Variants in PLB1 observed in about 807,000 individuals in gnomAD.
PLB1 encodes phospholipase B1, membrane-associated.
A neutral mutation model predicts 227.4 loss-of-function variants in PLB1; 242 were observed. That is an observed-to-expected ratio of 1.06 (90% confidence interval 0.96 to 1.18). PLB1 has a LOEUF of 1.18. Among genes scored for constraint, PLB1 ranks in the 50% most tolerant of loss-of-function variants. The pLI is 0.00. For synonymous variants in PLB1, 757 were observed against 682.2 expected, an observed-to-expected ratio of 1.11 and a Z score of -1.71; for missense variants, 1,858 against 1,816.3, an observed-to-expected ratio of 1.02 and a Z score of -0.42.
chr2:28,567,028 G>A (rs1677060434), intron 20 of PLB1, among the ~76,000 whole-genome samples, 189 bp downstream of exon 20: 1 of 151,840 alleles, frequency 6.6e-6, no homozygotes, highest in Non-Finnish European at 1.5e-5. Flanking sequence ...CCTTAGAGTT[G>A]GGGGTGGAAC....
intron 1 of PLB1, among the ~76,000 whole-genome samples, chr2:28,512,073 C>G (rs1203417278): frequency 2.1e-5 from 3 of 145,758 alleles, no homozygotes; most frequent in Admixed American, 1.4e-4. Context: ...AAATCATTTC[C>G]TGCCCTCCCC....
At chr2:28,531,554 G>T (rs936096697) in intron 8 of PLB1, among the ~76,000 whole-genome samples, 1 of 152,032 alleles carries the variant, frequency 6.6e-6, no homozygotes, top group Admixed American at 6.6e-5. Context: ...CAGGTGATCC[G>T]CCCAACTCGG....
rs1428398856 is a variant in PLB1 at position 28,556,031 on chromosome 2, A to G, written c.1147+3040A>G. 2.6e-5 allele frequency among the ~76,000 whole-genome samples: 4 copies of G among 151,604 alleles called. No homozygotes were observed. In the East Asian group the frequency reaches 7.7e-4, roughly 29 times the overall value. ...ATAGGCCCATGCACCATGTCCAGCTAATTTTATTTTTTGTACAGACAAGGT... is the reference window on the plus strand; with the variant it reads ...ATAGGCCCATGCACCATGTCCAGCTGATTTTATTTTTTGTACAGACAAGGT... On this transcript the variant is annotated intron_variant, in intron 17 of 57. Transcript: ENST00000327757.
intron 56 of PLB1, among the ~76,000 whole-genome samples, chr2:28,634,448 T>C (rs1304220573): frequency 6.6e-6 from 1 of 152,160 alleles, no homozygotes; most frequent in Non-Finnish European, 1.5e-5. Flanking sequence ...ACAGATGCCC[T>C]TGGCCCTTCC....
At chr2:28,586,346 A>G (rs930624931) in intron 26 of PLB1, among the ~76,000 whole-genome samples, 1 of 152,160 alleles carries the variant, frequency 6.6e-6, no homozygotes, top group African/African-American at 2.4e-5. Context: ...ATCTTGGGAG[A>G]GCACAAGGAG....
At chr2:28,634,181 G>A (rs568937306) in intron 56 of PLB1, among the ~76,000 whole-genome samples, 1 of 152,214 alleles carries the variant, frequency 6.6e-6, no homozygotes, top group African/African-American at 2.4e-5. Context: ...TGGACATCAC[G>A]TACCTGCCCA....
At chr2:28,585,640 C>A in intron 25 of PLB1, 121 bp from the exon 26 acceptor site, 1 of 838,888 alleles carries the variant, frequency 1.2e-6, no homozygotes, top group Non-Finnish European at 2.0e-6. Flanking sequence ...TCCTCATTAG[C>A]ACAGATCTCT....
At chr2:28,530,690 G>T (rs1481128168) in intron 8 of PLB1, among the ~76,000 whole-genome samples, 3 of 152,360 alleles carry the variant, frequency 2.0e-5, no homozygotes, top group Admixed American at 6.5e-5. Context: ...GGCAAGCCTT[G>T]CTAGCAAACT....
intron 1 of PLB1, among the ~76,000 whole-genome samples, chr2:28,501,546 A>G (rs1262115311): frequency 6.6e-6 from 1 of 152,172 alleles, no homozygotes; most frequent in East Asian, 1.9e-4. Flanking sequence ...TAAAACATTA[A>G]CATTGTTCAA....
At chr2:28,597,530 C>G (rs1203332932) in intron 33 of PLB1, among the ~76,000 whole-genome samples, 3 of 152,168 alleles carry the variant, frequency 2.0e-5, no homozygotes, top group African/African-American at 7.2e-5. Flanking sequence ...TCTGAACCTT[C>G]TATTGGAATT....
Position 28,563,027 on chromosome 2 carries a change from G to A in PLB1, c.1148-14G>A, listed in dbSNP as rs752867218. ...GAAGCCCCATTTTCCACTCACTCCT[G>A]CTTATATTCTTAGTTCATAGGCTGA... On this transcript the variant is annotated splice_polypyrimidine_tract_variant and intron_variant, in intron 17 of 57. Coordinates refer to ENST00000327757, the MANE Select transcript of PLB1 (RefSeq NM_153021.5). The A allele has an allele frequency of 1.6e-5, 26 of 1,611,678 alleles. 1 individual carries two copies. The highest frequency in any genetic ancestry group is 2.1e-5 in the Non-Finnish European group (25 of 1,177,792).
chr2:28,620,640 C>T lies in PLB1; in HGVS notation c.3424C>T (p.Pro1142Ser), dbSNP rs1167409402. Residue 1142 changes from proline to serine, a missense_variant, in exon 48 of 58, where the codon CCC (proline) becomes TCC (serine). Physicochemically the swap from Pro to Ser is moderately conservative, Grantham distance 74. Transcript: ENST00000327757. ...GAACTTGGAGACTCACACCACACTG[C>T]CCAGTAAGTAGCAGCCCAGAGAGGC... Reference protein sequence around the residue: ...DGNLETHTTLPNILKKFNPYL... With the variant: ...DGNLETHTTLSNILKKFNPYL... The T allele has an allele frequency of 6.2e-7, 1 of 1,613,922 alleles. No individual in the cohort carries two copies. Among genetic ancestry groups the T allele is most frequent in the Non-Finnish European group, 8.5e-7 (1 of 1,179,940 alleles).
At chr2:28,551,447 C>T (rs1409603600) in intron 16 of PLB1, among the ~76,000 whole-genome samples, 1 of 152,202 alleles carries the variant, frequency 6.6e-6, no homozygotes, top group Non-Finnish European at 1.5e-5. Context: ...TGACATTCTT[C>T]CCTCCCTATT....
chr2:28,604,859 C>G, intron 41 of PLB1, 100 bp downstream of exon 41: 1 of 1,074,032 alleles, frequency 9.3e-7, no homozygotes, highest in Non-Finnish European at 1.4e-6. Flanking sequence ...ATGGGAAAGA[C>G]ACAGCTCTCC....
At chr2:28,629,061 T>C (rs765520942) in intron 52 of PLB1, 33 bp from the exon 53 acceptor site, 5 of 1,589,784 alleles carry the variant, frequency 3.1e-6, no homozygotes, top group East Asian at 4.5e-5. Context: ...CAGTAGCCAG[T>C]GCCCTAACGA....
At chr2:28,639,463 A>G (rs1051500346) in intron 56 of PLB1, among the ~76,000 whole-genome samples, 18 of 152,242 alleles carry the variant, frequency 1.2e-4, no homozygotes, top group African/African-American at 2.9e-4. Context: ...GAGATTAGGA[A>G]GTGCTGCCAG....
At chr2:28,525,396 G>A in intron 5 of PLB1, 89 bp downstream of exon 5, 1 of 1,422,834 alleles carries the variant, frequency 7.0e-7, no homozygotes, top group Non-Finnish European at 9.7e-7. Flanking sequence ...AAGATTGGAG[G>A]CCAGGGAGGC....
chr2:28,589,892 A>G (rs1367415825), intron 28 of PLB1, 113 bp from the exon 29 acceptor site: 3 of 1,363,616 alleles, frequency 2.2e-6, no homozygotes, highest in Non-Finnish European at 3.1e-6. Context: ...GCAATGACAA[A>G]CAAACCCCAT....
chr2:28,607,053 G>A (rs1273039856), intron 43 of PLB1, among the ~76,000 whole-genome samples: 1 of 152,188 alleles, frequency 6.6e-6, no homozygotes, highest in Non-Finnish European at 1.5e-5. Flanking sequence ...GCAGAGCCCA[G>A]AGCTGTATGG....
Sources: gnomAD v4.1 joint callset for allele counts (sites outside exome capture counted in the v4.1 genomes callset) on GRCh38, gnomAD v4.1.1 for gene constraint, MANE v1.5 for transcripts, NCBI Gene and HGNC (gene_info 2026-07-23, HGNC 2026-07-21) for gene names.